Variants in MYB observed in about 807,000 individuals in gnomAD.
The protein encoded by MYB is transcriptional activator Myb.
In MYB, 28 loss-of-function variants were observed where a neutral mutation model predicts 92.9. The ratio of observed to expected loss-of-function variants is 0.30; its 90% CI spans 0.22 to 0.41. The LOEUF (loss-of-function observed/expected upper bound fraction) is 0.41. Among genes scored for constraint, MYB ranks in the 10% least tolerant of loss-of-function variants. The probability of loss-of-function intolerance (pLI) is 1.00; values close to 1 mark genes in which losing one functional copy is unlikely to be tolerated. For synonymous variants in MYB, 295 were observed against 329.1 expected, an observed-to-expected ratio of 0.90 and a Z score of 1.12; for missense variants, 679 against 929.3, an observed-to-expected ratio of 0.73 and a Z score of 3.50.
chr6:135,190,524 A>G lies in MYB; in HGVS notation c.527+177A>G, dbSNP rs1776491905. ...CATCTTAGAGTTTATTTGGTTGAGA[A>G]CTTCCAGGATCCACCTGACAGTGAG... On this transcript the variant is annotated intron_variant, in intron 5 of 15. Transcript: ENST00000341911. The surrounding 1 kb of genome is among the most constrained non-coding windows in gnomAD (Gnocchi z 4.5). Among the ~76,000 whole-genome samples the G allele has an allele frequency of 6.6e-6, 1 of 152,162 alleles. No individual in the cohort carries two copies. Among genetic ancestry groups the G allele is most frequent in the Non-Finnish European group, 1.5e-5 (1 of 68,034 alleles).
At position 135,217,823 on chromosome 6, in the gene MYB, T is replaced by G. The variant is rs371072827; in HGVS notation, c.2170-41T>G. ...CCCTGCTGGGTCTATAGAATGAGCT[T>G]CTTTGTCTGACGCTCCTGTTGCCAT... On this transcript the variant is annotated intron_variant, in intron 15 of 15. Coordinates refer to ENST00000341911, the MANE Select transcript of MYB (RefSeq NM_001130173.2). The G allele has an allele frequency of 7.2e-5, 102 of 1,413,256 alleles. No individual in the cohort carries two copies. In the African/African-American group the frequency reaches 1.3e-3, roughly 18 times the overall value. 87.5% of individuals were successfully genotyped at this position (1,413,256 alleles called of 1,614,324 possible).
chr6:135,206,205 C>CAAA (rs67836018), intron 15 of MYB, among the ~76,000 whole-genome samples: 696 of 87,092 alleles, frequency 8.0e-3, no homozygotes, highest in African/African-American at 0.017. Context: ...GACTCCATCT[C>CAAA]AAAAAAAAAA....
At position 135,181,999 on chromosome 6, in the gene MYB, C is replaced by G. The variant is rs772195773; in HGVS notation, c.23+463C>G. On this transcript the variant is annotated intron_variant, in intron 1 of 15. Coordinates refer to ENST00000341911, the MANE Select transcript of MYB (RefSeq NM_001130173.2). The surrounding 1 kb of genome is among the most constrained non-coding windows in gnomAD (Gnocchi z 5.3). ...GGGAAAATGCTGGATTGTTTAGTAG[C>G]TGCAGGTAGTTCATTTAAATTTCAT... 1.3e-5 allele frequency among the ~76,000 whole-genome samples: 2 copies of G among 152,184 alleles called. No individual in the cohort carries two copies. The highest frequency in any genetic ancestry group is 4.8e-5 in the African/African-American group (2 of 41,448).
chr6:135,215,091 G>A (rs578189966), intron 15 of MYB, among the ~76,000 whole-genome samples: 1 of 152,328 alleles, frequency 6.6e-6, no homozygotes, highest in African/African-American at 2.4e-5. Flanking sequence ...CATAGACAGT[G>A]CTGTTGACAT....
At chr6:135,216,473 C>G (rs1454680815) in intron 15 of MYB, among the ~76,000 whole-genome samples, 1 of 152,070 alleles carries the variant, frequency 6.6e-6, no homozygotes, top group Non-Finnish European at 1.5e-5. Flanking sequence ...TAAGTCATCT[C>G]TAGATTACTT....
At chr6:135,215,386 G>A (rs1280273959) in intron 15 of MYB, among the ~76,000 whole-genome samples, 24 of 152,128 alleles carry the variant, frequency 1.6e-4, no homozygotes, top group African/African-American at 4.8e-4. Context: ...TAGAGGCAGC[G>A]TCTGGTACTC....
rs1389127732 is a variant in MYB, at chr6:135,192,229, G to A, written c.528-95G>A. On this transcript the variant is annotated intron_variant, in intron 5 of 15. Coordinates refer to ENST00000341911, the MANE Select transcript of MYB (RefSeq NM_001130173.2). ...AGAGAAAACAACTAATAGGCCCAAG[G>A]GAAAGGTCTCTGTTAGAAACAGTTT... 5.0e-6 allele frequency: 5 copies of A among 1,002,102 alleles called. No homozygotes were observed. In the Admixed American group the frequency reaches 5.6e-5, roughly 11 times the overall value. The allele number at this position is 1,002,102 out of a possible 1,614,324, so 62.1% of individuals were successfully genotyped here.
At chr6:135,211,148 C>T (rs993847855) in intron 15 of MYB, among the ~76,000 whole-genome samples, 5 of 149,430 alleles carry the variant, frequency 3.3e-5, no homozygotes, top group East Asian at 1.9e-4. Context: ...ACATGGAAAC[C>T]GTCTGCACAC....
At chr6:135,184,322 C>CTTTTTTTTT in intron 1 of MYB, among the ~76,000 whole-genome samples, 15 of 68,412 alleles carry the variant, frequency 2.2e-4, no homozygotes, top group East Asian at 5.1e-4. Flanking sequence ...GGCTTTATAG[C>CTTTTTTTTT]TTTTTTTTTT....
chr6:135,202,772 G>A, intron 14 of MYB: 1 of 380,048 alleles, frequency 2.6e-6, no homozygotes, highest in South Asian at 2.0e-5. Context: ...ATGGTGCTGG[G>A]TTGGAACTCA....
At chr6:135,203,913 T>G in intron 15 of MYB, 1 of 1,149,004 alleles carries the variant, frequency 8.7e-7, no homozygotes, top group Non-Finnish European at 1.1e-6. Context: ...GGGTGTGTGT[T>G]GATGAAATAT....
At position 135,192,451 on chromosome 6, in the gene MYB, C is replaced by T; in HGVS notation, c.655C>T (p.His219Tyr). The change falls in exon 6 of 16, where the codon CAT becomes TAT. Residue 219 changes from histidine (H) to tyrosine (Y), a missense_variant. Coordinates refer to ENST00000341911, the MANE Select transcript of MYB (RefSeq NM_001130173.2). ...GGCCACAAGCTTCCAGAAGAACAGT[C>T]ATTTGATGGGTTTTGCTCAGGCTCC... ...AVATSFQKNS[H>Y]LMGFAQAPPT... The T allele has an allele frequency of 1.2e-6, 2 of 1,614,220 alleles. No individual in the cohort carries two copies. Among genetic ancestry groups the T allele is most frequent in the Non-Finnish European group, 1.7e-6 (2 of 1,180,036 alleles).
At position 135,197,029 on chromosome 6, in the gene MYB, A is replaced by G. The variant is rs763971698; in HGVS notation, c.1272A>G (p.Gln424=). ...AAGAAGCAGATTTTTCACCTAGCCA[A>G]CATCACACAGGCAAAGCCCTACAGC... ...FFEEADFSPS[Q]HHTGKALQLQ... is the part of the protein sequence containing the mutation. Residue 424 remains glutamine (Q), a synonymous_variant, in exon 10 of 16, where the codon CAA becomes CAG. Transcript: ENST00000341911. 4.3e-6 allele frequency: 7 copies of G among 1,613,876 alleles called. No individual in the cohort carries two copies. Among genetic ancestry groups the G allele is most frequent in the Admixed American group, 1.7e-5 (1 of 60,008 alleles).
chr6:135,200,198 T>C lies in MYB; in HGVS notation c.1823T>C (p.Leu608Pro), dbSNP rs1254857848. 2.5e-6 allele frequency: 4 copies of C among 1,613,942 alleles called. No homozygotes were observed. The highest frequency in any genetic ancestry group is 2.2e-5 in the East Asian group (1 of 44,888). Residue 608 changes from leucine (L) to proline (P), a missense_variant and splice_region_variant, in exon 12 of 16, where the codon CTA becomes CCA. Leu to Pro is a moderately conservative substitution (Grantham distance 98, BLOSUM62 -3). Transcript: ENST00000341911. ...QEIKYGPLKMLPQTPSHLVED... is the reference protein window; with the variant it reads ...QEIKYGPLKMPPQTPSHLVED... ...ATTAAATACGGTCCCCTGAAGATGC[T>C]AGTAAGTTCTAGAAAAGTTTTTGGA...
chr6:135,190,037 T>G lies in MYB; in HGVS notation c.307-90T>G, dbSNP rs1776438306. The G allele has an allele frequency of 5.3e-6, 8 of 1,503,152 alleles. No individual in the cohort carries two copies. Among genetic ancestry groups the G allele is most frequent in the South Asian group, 5.1e-5 (4 of 79,138 alleles). The allele number at this position is 1,503,152 out of a possible 1,614,324, so 93.1% of individuals were successfully genotyped here. A position where few individuals can be genotyped will look rare whatever the true frequency, so the allele number is the denominator to read the frequency against. ...GTGAATGAAAGCAAATTTTGGAAAT[T>G]TTCTAAAGATCTTGTAACACTGAAG... On this transcript the variant is annotated intron_variant, in intron 4 of 15. Coordinates refer to ENST00000341911, the MANE Select transcript of MYB (RefSeq NM_001130173.2). This position sits in a 1 kb window ranked among gnomAD's most constrained non-coding sequence, Gnocchi z 4.5.
At chr6:135,204,346 T>A (rs1217561278) in intron 15 of MYB, among the ~76,000 whole-genome samples, 1 of 152,246 alleles carries the variant, frequency 6.6e-6, no homozygotes, top group Non-Finnish European at 1.5e-5. Context: ...TGGCCCAGGC[T>A]GGAGTGTAGT....
At chr6:135,199,105 AATGG>A in intron 11 of MYB, 55 bp downstream of exon 11, 2 of 1,386,864 alleles carry the variant, frequency 1.4e-6, no homozygotes, top group Non-Finnish European at 1.9e-6. Context: ...ATATTTAATT[AATGG>A]AATATAGTTC....
intron 11 of MYB, chr6:135,199,528 A>G: frequency 9.4e-7 from 1 of 1,064,426 alleles, no homozygotes; most frequent in Non-Finnish European, 1.2e-6. Flanking sequence ...ATGTGTAGAT[A>G]GGACCTCTTC....
intron 9 of MYB, chr6:135,196,592 C>T: frequency 2.1e-6 from 1 of 478,672 alleles, no homozygotes; most frequent in Non-Finnish European, 3.6e-6. Context: ...GTATTCAGCA[C>T]CTCCTCAGCG....
Sources: gnomAD v4.1 joint callset for allele counts (sites outside exome capture counted in the v4.1 genomes callset) on GRCh38, gnomAD v4.1.1 for gene constraint, Gnocchi (gnomAD v3.1) non-coding constraint, MANE v1.5 for transcripts, NCBI Gene and HGNC (gene_info 2026-07-23, HGNC 2026-07-21) for gene names.